HK1: variants seen among roughly 807,000 people sequenced by gnomAD.
The protein encoded by HK1 is hexokinase 1.
In HK1, 28 loss-of-function variants were observed where a neutral mutation model predicts 91.6. The observed-to-expected ratio is 0.31, with a 90% CI of 0.23 to 0.42. HK1 has a LOEUF of 0.42. Among genes scored for constraint, HK1 ranks in the 10% least tolerant of loss-of-function variants. The probability of loss-of-function intolerance (pLI) is 1.00; values close to 1 mark genes in which losing one functional copy is unlikely to be tolerated. For synonymous variants in HK1, 430 were observed against 468.1 expected (o/e 0.92, Z 1.05); for missense variants, 770 against 1,219.8 (o/e 0.63, Z 5.49).
chr10:69,345,817 G>A (rs1848522580), intron 2 of HK1, among the ~76,000 whole-genome samples: 1 of 152,172 alleles, frequency 6.6e-6, no homozygotes, highest in East Asian at 1.9e-4. Context: ...TGATCCAAGT[G>A]CAGTAGAAAT....
intron 2 of HK1, among the ~76,000 whole-genome samples, chr10:69,355,373 C>T (rs1849077271): frequency 6.6e-6 from 1 of 152,162 alleles, no homozygotes; most frequent in South Asian, 2.1e-4. Flanking sequence ...AAAAGAAGAA[C>T]AAAGCTGAAG....
intron 3 of HK1, among the ~76,000 whole-genome samples, chr10:69,361,090 G>A (rs754395075): frequency 3.9e-5 from 6 of 152,214 alleles, no homozygotes; most frequent in Non-Finnish European, 8.8e-5. Flanking sequence ...CCTGGAGCAA[G>A]CCACCAAGCC....
intron 1 of HK1, among the ~76,000 whole-genome samples, chr10:69,276,116 A>AT (rs1369009775): frequency 0.063 from 2,674 of 42,482 alleles, 354 homozygotes; most frequent in African/African-American, 0.18. Context: ...AAAAAAAAAA[A>AT]AAATACATAT....
intron 12 of HK1, 72 bp from the exon 13 acceptor site, chr10:69,386,251 A>G: frequency 8.4e-7 from 1 of 1,188,138 alleles, no homozygotes; most frequent in Non-Finnish European, 1.3e-6. Flanking sequence ...CTCAGGAGGG[A>G]GGGTTGGAAT....
chr10:69,363,165 A>G (rs1027337496), intron 3 of HK1, among the ~76,000 whole-genome samples: 24 of 152,152 alleles, frequency 1.6e-4, no homozygotes, highest in African/African-American at 5.6e-4. Flanking sequence ...GGTTCCAAAA[A>G]GCTCCATGGC....
intron 5 of HK1, among the ~76,000 whole-genome samples, chr10:69,307,544 G>A (rs1846162117): frequency 6.6e-6 from 1 of 152,152 alleles, no homozygotes; most frequent in South Asian, 2.1e-4. Flanking sequence ...ATGACAAGGT[G>A]GGCTGGAGAC....
Position 69,369,476 on chromosome 10 carries a change from A to G in HK1, c.727A>G (p.Arg243Gly). Residue 243 changes from arginine (R) to glycine (G), a missense_variant, in exon 7 of 18, where the codon AGG (arginine) becomes GGG (glycine). This residue lies in a region of HK1 where 449 missense variants were observed against 665.1 expected (regional missense o/e 0.68). Transcript: ENST00000359426. The surrounding 1 kb of genome is among the most constrained non-coding windows in gnomAD (Gnocchi z 4.4). Reference sequence around the variant, plus strand: ...CAATGCTTGCTACATGGAGGAACTGAGGCACATTGATCTGGTGGAAGGAGA... The same window carrying G: ...CAATGCTTGCTACATGGAGGAACTGGGGCACATTGATCTGGTGGAAGGAGA... ...GTNACYMEEL[R>G]HIDLVEGDEG... 1.2e-6 allele frequency: 2 copies of G among 1,614,198 alleles called. No individual in the cohort carries two copies. Among genetic ancestry groups the G allele is most frequent in the Non-Finnish European group, 1.7e-6 (2 of 1,180,032 alleles).
At chr10:69,327,995 G>A (rs528689990) in intron 1 of HK1, among the ~76,000 whole-genome samples, 70 of 152,208 alleles carry the variant, frequency 4.6e-4, no homozygotes, top group Non-Finnish European at 6.9e-4. Flanking sequence ...GCTGTGGGCT[G>A]ACTCCGTTAA....
chr10:69,368,702 C>A, intron 5 of HK1, 71 bp downstream of exon 5: 2 of 1,201,882 alleles, frequency 1.7e-6, no homozygotes, highest in Non-Finnish European at 2.5e-6. Flanking sequence ...CTAAAACAGA[C>A]CAGTGCCCTT....
At chr10:69,321,705 C>T (rs1564510451) in intron 1 of HK1, among the ~76,000 whole-genome samples, 1 of 152,236 alleles carries the variant, frequency 6.6e-6, no homozygotes, top group East Asian at 1.9e-4. Context: ...TCATTTCTTT[C>T]TTCATTGCCT....
rs113041786 is a variant in HK1, at chr10:69,340,316, G to T, written c.64-3511G>T. Reference sequence around the variant, plus strand: ...GGCTGGAGTGCGATGGCGCGATCTTGGCTGACTGCAATCTTCTCTACCTCC... The same window carrying T: ...GGCTGGAGTGCGATGGCGCGATCTTTGCTGACTGCAATCTTCTCTACCTCC... On this transcript the variant is annotated intron_variant, in intron 1 of 17. Transcript: ENST00000359426. Among the ~76,000 whole-genome samples, 468 of 152,264 alleles carry T rather than the reference G, an allele frequency of 3.1e-3. 3 individuals are homozygous for T. The highest frequency in any genetic ancestry group is 0.011 in the African/African-American group (440 of 41,550).
chr10:69,338,236 A>G, intron 1 of HK1: 1 of 1,124,114 alleles, frequency 8.9e-7, no homozygotes, highest in Non-Finnish European at 1.1e-6. Flanking sequence ...CGGTCTGGCT[A>G]CCCTCATAGG....
At chr10:69,387,166 G>C (rs1564564523) in intron 13 of HK1, among the ~76,000 whole-genome samples, 1 of 152,182 alleles carries the variant, frequency 6.6e-6, no homozygotes, top group East Asian at 1.9e-4. Context: ...TGTAACCATA[G>C]AATTGCCCCT....
rs531777121 is a variant in HK1 at position 69,401,444 on chromosome 10, T to C, written c.*309T>C. On this transcript the variant is annotated 3_prime_UTR_variant, in exon 18 of 18. Transcript: ENST00000359426. ...TGTATGCATTCATCCAACAGAGTTA[T>C]TTATTGGCTGGAGATGGAAAATCAC... 331 of 452,574 alleles carry C rather than the reference T, an allele frequency of 7.3e-4. No homozygotes were observed. The highest frequency in any genetic ancestry group is 1.2e-3 in the Non-Finnish European group (282 of 244,364). 28.0% of individuals were successfully genotyped at this position (452,574 alleles called of 1,614,324 possible). A position where few individuals can be genotyped will look rare whatever the true frequency, so the allele number is the denominator to read the frequency against.
chr10:69,365,381 G>C (rs1291120674), intron 4 of HK1, among the ~76,000 whole-genome samples: 1 of 152,148 alleles, frequency 6.6e-6, no homozygotes, highest in Non-Finnish European at 1.5e-5. Context: ...GAGGTGACTT[G>C]TTGTACCCAC....
chr10:69,313,448 TTTTA>T (rs1846475319), upstream of HK1, among the ~76,000 whole-genome samples: 1 of 152,152 alleles, frequency 6.6e-6, no homozygotes, highest in Non-Finnish European at 1.5e-5. Context: ...CTAGATTTTA[TTTTA>T]TTTATTTTAT....
At chr10:69,315,859 C>A, upstream of HK1, 1 of 1,285,738 alleles carries the variant, frequency 7.8e-7, no homozygotes, top group Non-Finnish European at 1.1e-6. Flanking sequence ...GGAGTCCTGG[C>A]TCAAAACTCT....
intron 1 of HK1, among the ~76,000 whole-genome samples, chr10:69,328,914 T>C (rs6480400): frequency 0.87 from 132,019 of 151,870 alleles, 57,850 homozygotes; most frequent in East Asian, 1. Flanking sequence ...AAAATGAGGC[T>C]TTTTGTGTCT....
chr10:69,305,584 G>T (rs1846066708), intron 5 of HK1, among the ~76,000 whole-genome samples: 2 of 152,108 alleles, frequency 1.3e-5, no homozygotes, highest in South Asian at 4.1e-4. Context: ...GCTGGGTGTG[G>T]TAGTTCACAC....
Sources: allele counts gnomAD v4.1 joint callset (sites outside exome capture counted in the v4.1 genomes callset), GRCh38; gene constraint gnomAD v4.1.1; regional missense constraint gnomAD v4.1.1; non-coding constraint Gnocchi (gnomAD v3.1); transcripts MANE v1.5; gene names NCBI Gene and HGNC (gene_info 2026-07-23, HGNC 2026-07-21).